Variants in NBR1 observed in about 807,000 individuals in gnomAD.
NBR1 encodes the protein NBR1 autophagy cargo receptor, also known as next to BRCA1 gene 1 protein.
In NBR1, 59 loss-of-function variants were observed where a neutral mutation model predicts 115.5. That is an observed-to-expected ratio of 0.51 (90% confidence interval 0.41 to 0.63). The LOEUF (loss-of-function observed/expected upper bound fraction) is 0.63. Among genes scored for constraint, NBR1 ranks in the 30% least tolerant of loss-of-function variants. The pLI, the probability that NBR1 is intolerant of heterozygous loss-of-function variation, is 0.00. For synonymous variants in NBR1, 373 were observed against 414.7 expected, an observed-to-expected ratio of 0.90 and a Z score of 1.22; for missense variants, 1,043 against 1,150.5, an observed-to-expected ratio of 0.91 and a Z score of 1.35.
At chr17:43,193,028 A>T in intron 10 of NBR1, 66 bp from the exon 11 acceptor site, 1 of 1,501,424 alleles carries the variant, frequency 6.7e-7, no homozygotes, top group Non-Finnish European at 9.1e-7. Context: ...CTCTCAAGCT[A>T]GTGTGAGGTA....
At position 43,193,180 on chromosome 17, in the gene NBR1, A is replaced by G. The variant is rs760094296; in HGVS notation, c.1160A>G (p.Gln387Arg). 1 of 1,614,002 alleles carries G rather than the reference A, an allele frequency of 6.2e-7. No individual in the cohort carries two copies. The highest frequency in any genetic ancestry group is 8.5e-7 in the Non-Finnish European group (1 of 1,179,886). Residue 387 changes from glutamine to arginine, a missense_variant, in exon 11 of 21, where the codon CAG becomes CGG. Physicochemically the swap from Gln to Arg is conservative, Grantham distance 43 (BLOSUM62 1). Coordinates refer to ENST00000590996, the MANE Select transcript of NBR1 (RefSeq NM_005899.5). ...DENLPDGTHLQPGTKFIKHWR... is the reference protein window; with the variant it reads ...DENLPDGTHLRPGTKFIKHWR... Reference sequence around the variant, plus strand: ...AATTTGCCTGATGGGACTCACCTTCAGCCAGGAACCAAGTTTATCAAACAC... The same window carrying G: ...AATTTGCCTGATGGGACTCACCTTCGGCCAGGAACCAAGTTTATCAAACAC...
intron 14 of NBR1, 32 bp downstream of exon 14, chr17:43,195,071 C>T: frequency 6.4e-7 from 1 of 1,568,796 alleles, no homozygotes; most frequent in South Asian, 1.1e-5. Flanking sequence ...TCTTGTTCGT[C>T]TTACTAATAG....
intron 2 of NBR1, chr17:43,176,292 A>G (rs1176969963): frequency 1.9e-5 from 3 of 158,412 alleles, no homozygotes; most frequent in African/African-American, 7.2e-5. Flanking sequence ...TGTGTTTTGC[A>G]AGAGCCTATC....
chr17:43,173,344 A>C (rs1597958173), intron 1 of NBR1, among the ~76,000 whole-genome samples: 1 of 151,982 alleles, frequency 6.6e-6, no homozygotes, highest in East Asian at 1.9e-4. Context: ...GCGAGAGTGC[A>C]GTGGCATGAT....
chr17:43,184,641 C>T (rs1269417910), intron 5 of NBR1, among the ~76,000 whole-genome samples: 3 of 151,822 alleles, frequency 2.0e-5, no homozygotes, highest in Non-Finnish European at 4.4e-5. Context: ...GCTGGGATTA[C>T]AGGCATGAGC....
At chr17:43,208,809 A>T (rs958432452) in intron 20 of NBR1, among the ~76,000 whole-genome samples, 16 of 152,242 alleles carry the variant, frequency 1.1e-4, no homozygotes, top group African/African-American at 3.9e-4. Flanking sequence ...CTAGTAAAAA[A>T]TTTAAAAATT....
chr17:43,201,057 C>T (rs900004283), intron 17 of NBR1, among the ~76,000 whole-genome samples: 2 of 152,068 alleles, frequency 1.3e-5, no homozygotes, highest in African/African-American at 2.4e-5. Flanking sequence ...ATTGTAGAAG[C>T]GGGGTTTTGC....
chr17:43,190,037 C>G, intron 8 of NBR1: 2 of 537,886 alleles, frequency 3.7e-6, no homozygotes, highest in South Asian at 4.5e-5. Flanking sequence ...AAATTATGTT[C>G]CCCTGAACGG....
intron 6 of NBR1, among the ~76,000 whole-genome samples, chr17:43,188,460 T>C (rs1036392783): frequency 4.6e-5 from 7 of 152,212 alleles, no homozygotes; most frequent in Non-Finnish European, 7.3e-5. Context: ...AGCTCTTTAG[T>C]TTAATTAGAT....
In NBR1 at chr17:43,193,396, G is replaced by A. The variant is rs1224306830; in HGVS notation, c.1282G>A (p.Asp428Asn). ...GACTTTGGCTTCCACAGAAAAGAAGGATGTTTTGGTTCCCTGCCTCAAGGC... is the reference window on the plus strand; with the variant it reads ...GACTTTGGCTTCCACAGAAAAGAAGAATGTTTTGGTTCCCTGCCTCAAGGC... Reference protein sequence around the residue: ...NLTLASTEKKDVLVPCLKAGH... With the variant: ...NLTLASTEKKNVLVPCLKAGH... The change falls in exon 12 of 21, where the codon GAT becomes AAT. Residue 428 changes from aspartate to asparagine, a missense_variant. Asp to Asn is a conservative substitution (Grantham distance 23). Transcript: ENST00000590996. 4 of 1,613,874 alleles carry A rather than the reference G, an allele frequency of 2.5e-6. No homozygotes were observed. The highest frequency in any genetic ancestry group is 2.7e-5 in the African/African-American group (2 of 74,918).
chr17:43,175,856 G>A lies in NBR1; in HGVS notation c.57G>A (p.Leu19=). 1 of 1,607,270 alleles carries A rather than the reference G, an allele frequency of 6.2e-7. No individual in the cohort carries two copies. Among genetic ancestry groups the A allele is most frequent in the African/African-American group, 1.3e-5 (1 of 74,960 alleles). The change falls in exon 2 of 21, where the codon CTG becomes CTA. Residue 19 remains leucine, a synonymous_variant. Coordinates refer to ENST00000590996, the MANE Select transcript of NBR1 (RefSeq NM_005899.5). ...TTAAAAATGAAATTCAAAGCTTTCT[G>A]GTTTCTGATCCAGAAAATACAACTT... is the stretch of plus-strand genomic sequence containing the variant. ...VTFKNEIQSF[L]VSDPENTTWA...
At chr17:43,190,863 C>A (rs754302173) in intron 9 of NBR1, 87 bp downstream of exon 9, 290 of 1,282,906 alleles carry the variant, frequency 2.3e-4, no homozygotes, top group Non-Finnish European at 2.8e-4. Context: ...TACAGATAGT[C>A]TCCTTAGTTC....
rs760130712 is a variant in NBR1, at chr17:43,190,684, G to A, written c.771G>A (p.Leu257=). The stretch of plus-strand genomic sequence containing the variant: ...GCCATGACACTAACCACGTCCTGCT[G>A]AAGTTGCGGAGACCTGTTGTGGGCT... The part of the protein sequence containing the change: ...PYGHDTNHVL[L]KLRRPVVGSS... The change falls in exon 9 of 21, where the codon CTG becomes CTA. Residue 257 remains leucine (L), a synonymous_variant. Transcript: ENST00000590996. 69 of 1,613,772 alleles carry A rather than the reference G, an allele frequency of 4.3e-5. No individual in the cohort carries two copies. Among genetic ancestry groups the A allele is most frequent in the Non-Finnish European group, 5.6e-5 (66 of 1,179,854 alleles).
At chr17:43,172,485 G>A (rs978035228) in intron 1 of NBR1, among the ~76,000 whole-genome samples, 4 of 152,186 alleles carry the variant, frequency 2.6e-5, no homozygotes, top group Non-Finnish European at 4.4e-5. Context: ...TGATATTTCA[G>A]AATACCCACT....
Position 43,205,276 on chromosome 17 carries a change from C to T in NBR1, c.2727+1490C>T, listed in dbSNP as rs191870022. ...GGCTGAGGCAGGAGAATCACTTGAA[C>T]CTGGGAGGTGGAGGTTGCAGTGAGC... On this transcript the variant is annotated intron_variant, in intron 20 of 20. Coordinates refer to ENST00000590996, the MANE Select transcript of NBR1 (RefSeq NM_005899.5). Among the ~76,000 whole-genome samples the T allele has an allele frequency of 1.1e-4, 17 of 152,232 alleles. No individual in the cohort carries two copies. In the Middle Eastern group the frequency reaches 0.01, roughly 91 times the overall value.
chr17:43,193,765 C>G, intron 12 of NBR1, 127 bp downstream of exon 12: 1 of 977,590 alleles, frequency 1.0e-6, no homozygotes. Flanking sequence ...GCATCTCCCC[C>G]CGCCCCAACA....
rs904525482 is a variant in NBR1, at chr17:43,193,474, A to G, written c.1360A>G (p.Thr454Ala). The G allele has an allele frequency of 7.4e-6, 12 of 1,613,736 alleles. No homozygotes were observed. The highest frequency in any genetic ancestry group is 3.3e-5 in the Admixed American group (2 of 59,954). Residue 454 changes from threonine to alanine, a missense_variant, in exon 12 of 21, where the codon ACG (threonine) becomes GCG (alanine). Thr to Ala is a moderately conservative substitution (Grantham distance 58). Transcript: ENST00000590996. ...VEFIAPALEG[T>A]YTSHWRLSHK... is the part of the protein sequence containing the mutation. ...GTTCATTGCCCCAGCCTTGGAGGGA[A>G]CGTATACTTCCCATTGGCGTCTTTC...
rs777760518 is a variant in NBR1, at chr17:43,200,252, G to T, written c.2112G>T (p.Glu704Asp). Residue 704 changes from glutamate to aspartate, a missense_variant, in exon 17 of 21, where the codon GAG (glutamate) becomes GAT (aspartate). Glu to Asp is a conservative substitution (Grantham distance 45). Transcript: ENST00000590996. ...HIAEEEAVMEEEEDEEDEEEE... is the reference protein window; with the variant it reads ...HIAEEEAVMEDEEDEEDEEEE... ...CTGAGGAAGAAGCTGTCATGGAGGA[G>T]GAGGAGGATGAGGAGGATGAGGAGG... 1 of 1,551,730 alleles carries T rather than the reference G, an allele frequency of 6.4e-7. No homozygotes were observed. Among genetic ancestry groups the T allele is most frequent in the South Asian group, 1.2e-5 (1 of 84,060 alleles).
intron 6 of NBR1, among the ~76,000 whole-genome samples, chr17:43,187,609 C>T (rs2056847615): frequency 1.4e-5 from 2 of 146,414 alleles, no homozygotes; most frequent in South Asian, 4.4e-4. Context: ...CCCAGGTTCA[C>T]GTGATTCTCC....
Sources: gnomAD v4.1 joint callset for allele counts (sites outside exome capture counted in the v4.1 genomes callset) on GRCh38, gnomAD v4.1.1 for gene constraint, MANE v1.5 for transcripts, NCBI Gene and HGNC (gene_info 2026-07-23, HGNC 2026-07-21) for gene names.